TAFA2: variants seen among roughly 807,000 people sequenced by gnomAD.
The protein encoded by TAFA2 is TAFA chemokine like family member 2, also known as chemokine-like protein TAFA-2.
A neutral mutation model predicts 18.8 loss-of-function variants in TAFA2; 7 were observed. The observed-to-expected ratio is 0.37, with a 90% CI of 0.21 to 0.70. The LOEUF (loss-of-function observed/expected upper bound fraction) is 0.70. TAFA2 is among the 30% of genes least tolerant of loss of function. The pLI, the probability that TAFA2 is intolerant of heterozygous loss-of-function variation, is 0.53. For missense variants in TAFA2, 122 were observed against 158.1 expected, an observed-to-expected ratio of 0.77 and a Z score of 1.23; for synonymous variants, 60 against 54.2, an observed-to-expected ratio of 1.11 and a Z score of -0.47.
chr12:61,929,600 T>C (rs1227379827), intron 1 of TAFA2, among the ~76,000 whole-genome samples: 1 of 151,768 alleles, frequency 6.6e-6, no homozygotes, highest in East Asian at 2.0e-4. Flanking sequence ...GATGTGGCGA[T>C]TCCTCAGGGA....
chr12:62,054,257 T>C (rs910541548), intron 1 of TAFA2, among the ~76,000 whole-genome samples: 1 of 152,226 alleles, frequency 6.6e-6, no homozygotes, highest in African/African-American at 2.4e-5. Context: ...CCTGTCTATG[T>C]GTGTACAAAT....
intron 1 of TAFA2, among the ~76,000 whole-genome samples, chr12:62,226,172 C>T (rs879517930): frequency 1.3e-5 from 2 of 149,202 alleles, no homozygotes; most frequent in African/African-American, 2.5e-5. Flanking sequence ...CAGTCTTGGT[C>T]TATATCTTTC....
chr12:62,255,718 G>C (rs535352656), intron 1 of TAFA2, among the ~76,000 whole-genome samples: 61 of 151,634 alleles, frequency 4.0e-4, no homozygotes, highest in Middle Eastern at 3.5e-3. Flanking sequence ...GCTGGGCATG[G>C]TGGCACATGC....
intron 2 of TAFA2, among the ~76,000 whole-genome samples, chr12:61,838,143 A>C (rs1873014536): frequency 1.3e-5 from 2 of 151,950 alleles, no homozygotes; most frequent in African/African-American, 4.8e-5. Context: ...GCACATTCCT[A>C]TGGATCTGTT....
At chr12:62,099,039 G>C (rs951525988) in intron 1 of TAFA2, among the ~76,000 whole-genome samples, 1 of 152,020 alleles carries the variant, frequency 6.6e-6, no homozygotes, top group Non-Finnish European at 1.5e-5. Flanking sequence ...AATGGAATTA[G>C]GTAGCTCACA....
intron 1 of TAFA2, among the ~76,000 whole-genome samples, chr12:62,034,540 G>A (rs1881549893): frequency 1.3e-5 from 2 of 151,960 alleles, no homozygotes; most frequent in South Asian, 2.1e-4. Context: ...AAATCCAGAG[G>A]ACAAACACCT....
chr12:61,804,473 A>C (rs531627241), intron 2 of TAFA2, among the ~76,000 whole-genome samples: 4 of 152,034 alleles, frequency 2.6e-5, no homozygotes, highest in Non-Finnish European at 5.9e-5. Flanking sequence ...AGAGTACTTC[A>C]ACTAGCTCCT....
intron 1 of TAFA2, among the ~76,000 whole-genome samples, chr12:62,235,968 A>G (rs2136986815): frequency 6.6e-6 from 1 of 152,126 alleles, no homozygotes; most frequent in Non-Finnish European, 1.5e-5. Context: ...ATAGATGACA[A>G]CTTCTGTCGC....
At chr12:61,919,634 T>C (rs1876969389) in intron 1 of TAFA2, among the ~76,000 whole-genome samples, 1 of 151,976 alleles carries the variant, frequency 6.6e-6, no homozygotes, top group Non-Finnish European at 1.5e-5. Flanking sequence ...CTGATCATTG[T>C]ATTTTATTGT....
At chr12:62,212,154 A>G (rs530457338) in intron 1 of TAFA2, among the ~76,000 whole-genome samples, 6 of 152,346 alleles carry the variant, frequency 3.9e-5, no homozygotes, top group African/African-American at 1.4e-4. Flanking sequence ...AGCAGGTAGA[A>G]AGAAATTTGG....
At chr12:61,801,540 A>C (rs944758157) in intron 2 of TAFA2, among the ~76,000 whole-genome samples, 2 of 152,122 alleles carry the variant, frequency 1.3e-5, no homozygotes, top group African/African-American at 4.8e-5. Context: ...GGATCTGGGA[A>C]AATTAAGTGT....
In TAFA2 at chr12:61,879,486, G is replaced by A. The variant is rs1221213601; in HGVS notation, c.-1-12060C>T. The A allele has an allele frequency of 1.0e-5, 7 of 691,886 alleles. No individual in the cohort carries two copies. In the Admixed American group the frequency reaches 1.4e-4, roughly 14 times the overall value. 42.9% of individuals were successfully genotyped at this position (691,886 alleles called of 1,614,324 possible). A position where few individuals can be genotyped will look rare whatever the true frequency, so the allele number is the denominator to read the frequency against. On this transcript the variant is annotated intron_variant, in intron 1 of 4. Transcript: ENST00000416284. ...GTGGCCTGGGTGGAGGCTTTGGCGG[G>A]GCCAGCGGTATTGGAGGGATCACTG... is the stretch of plus-strand genomic sequence containing the variant.
chr12:62,003,749 T>C (rs1450274779), intron 1 of TAFA2, among the ~76,000 whole-genome samples: 2 of 152,248 alleles, frequency 1.3e-5, no homozygotes, highest in Non-Finnish European at 2.9e-5. Context: ...TGTTCTCTTA[T>C]ATATTCCAAG....
intron 1 of TAFA2, among the ~76,000 whole-genome samples, chr12:61,894,553 A>G (rs1226145592): frequency 6.6e-6 from 1 of 152,228 alleles, no homozygotes; most frequent in Non-Finnish European, 1.5e-5. Flanking sequence ...TAGATATAGT[A>G]TCTTTAAAAC....
intron 1 of TAFA2, among the ~76,000 whole-genome samples, chr12:62,209,298 T>C (rs567130471): frequency 8.5e-5 from 13 of 152,226 alleles, no homozygotes; most frequent in Non-Finnish European, 1.6e-4. Flanking sequence ...TAAGATCTGA[T>C]GGTTTTATAA....
At chr12:62,230,499 T>C (rs1042149666) in intron 1 of TAFA2, among the ~76,000 whole-genome samples, 6 of 152,202 alleles carry the variant, frequency 3.9e-5, no homozygotes, top group African/African-American at 1.4e-4. Flanking sequence ...TTGTTTTATT[T>C]CCATGATTTC....
At chr12:62,123,401 A>G (rs148910101) in intron 1 of TAFA2, among the ~76,000 whole-genome samples, 2 of 148,030 alleles carry the variant, frequency 1.4e-5, no homozygotes, top group Non-Finnish European at 3.0e-5. Context: ...AGAAGGGAAT[A>G]AAAAAAAAAG....
intron 1 of TAFA2, among the ~76,000 whole-genome samples, chr12:61,890,626 T>A (rs1875589301): frequency 6.6e-6 from 1 of 152,196 alleles, no homozygotes; most frequent in Non-Finnish European, 1.5e-5. Flanking sequence ...TACAGGGGGT[T>A]TAGCACACAG....
At chr12:61,984,748 G>A (rs989772672) in intron 1 of TAFA2, among the ~76,000 whole-genome samples, 2 of 152,062 alleles carry the variant, frequency 1.3e-5, no homozygotes, top group African/African-American at 4.8e-5. Flanking sequence ...TTAACAGTGG[G>A]TACAAGAATG....
Sources: gnomAD v4.1 joint callset for allele counts (sites outside exome capture counted in the v4.1 genomes callset) on GRCh38, gnomAD v4.1.1 for gene constraint, MANE v1.5 for transcripts, NCBI Gene and HGNC (gene_info 2026-07-23, HGNC 2026-07-21) for gene names.